The following MAGI1 variants were observed in gnomAD, a reference collection of about 807,000 sequenced individuals.
MAGI1 encodes membrane associated guanylate kinase, WW and PDZ domain containing 1.
Under a neutral mutation model 139.9 loss-of-function variants are expected in MAGI1, and 58 were observed. The observed-to-expected ratio is 0.41, with a 90% CI of 0.34 to 0.52. MAGI1 has a LOEUF of 0.52. Among genes scored for constraint, MAGI1 ranks in the 20% least tolerant of loss-of-function variants. The probability of loss-of-function intolerance (pLI) is 0.12; values close to 1 mark genes in which losing one functional copy is unlikely to be tolerated. For missense variants in MAGI1, 1,874 were observed against 1,901.6 expected (o/e 0.99, Z 0.27); for synonymous variants, 812 against 737.9 (o/e 1.10, Z -1.63).
At chr3:65,924,358 A>C in intron 1 of MAGI1, among the ~76,000 whole-genome samples, 1 of 152,196 alleles carries the variant, frequency 6.6e-6, no homozygotes, top group East Asian at 1.9e-4. Flanking sequence ...GTGGGATTGC[A>C]TCTCCCTCCC....
At chr3:66,034,859 T>C (rs28378316) in intron 1 of MAGI1, among the ~76,000 whole-genome samples, 1 of 152,258 alleles carries the variant, frequency 6.6e-6, no homozygotes, top group East Asian at 1.9e-4. Flanking sequence ...TTTTATGAAG[T>C]TGAAGACAAA....
At chr3:65,907,936 A>G (rs2061502882) in intron 1 of MAGI1, among the ~76,000 whole-genome samples, 1 of 152,112 alleles carries the variant, frequency 6.6e-6, no homozygotes, top group Non-Finnish European at 1.5e-5. Context: ...CCCCGGCTCC[A>G]TCACTCTCTG....
At chr3:65,374,911 T>C (rs1309748338) in intron 18 of MAGI1, among the ~76,000 whole-genome samples, 1 of 152,204 alleles carries the variant, frequency 6.6e-6, no homozygotes, top group African/African-American at 2.4e-5. Flanking sequence ...TCATTCTTTC[T>C]TCATTCACAT....
At chr3:65,796,050 C>CAAAAAA (rs35663778) in intron 1 of MAGI1, among the ~76,000 whole-genome samples, 45 of 102,804 alleles carry the variant, frequency 4.4e-4, no homozygotes, top group Middle Eastern at 5.7e-3. Flanking sequence ...GACTCTGTCT[C>CAAAAAA]AAAAAAAAAA....
chr3:65,371,400 A>G (rs147668161), intron 18 of MAGI1, among the ~76,000 whole-genome samples: 1 of 152,226 alleles, frequency 6.6e-6, no homozygotes, highest in Non-Finnish European at 1.5e-5. Context: ...AAAACACTAC[A>G]TACCTTAATT....
rs536862882 is a variant in MAGI1, at chr3:65,966,853, T to C, written c.313+71143A>G. Among the ~76,000 whole-genome samples, 4 of 152,344 alleles carry C rather than the reference T, an allele frequency of 2.6e-5. No individual in the cohort carries two copies. The East Asian group carries it at 7.7e-4, about 29-fold the overall frequency. On this transcript the variant is annotated intron_variant, in intron 1 of 22. Coordinates refer to ENST00000402939, the MANE Select transcript of MAGI1 (RefSeq NM_001033057.2). ...ATCCATGACACCTACTGAATTAGTC[T>C]TTTTTAAATCCATGAAATGAACATT...
At chr3:65,433,508 G>A (rs1444159622) in intron 10 of MAGI1, among the ~76,000 whole-genome samples, 1 of 152,060 alleles carries the variant, frequency 6.6e-6, no homozygotes, top group Admixed American at 6.6e-5. Context: ...ATTAGTTAAT[G>A]TAGCTTTTGG....
chr3:65,921,919 GACAC>G lies in MAGI1; in HGVS notation c.313+116073_313+116076del, dbSNP rs35532734. On this transcript the variant is annotated intron_variant, in intron 1 of 22. Coordinates refer to ENST00000402939, the MANE Select transcript of MAGI1 (RefSeq NM_001033057.2). Reference sequence around the variant, plus strand: ...AGACCCTATCTCCAACCACACACACGACACACACACACACACACACACACACACA... The same window carrying G: ...AGACCCTATCTCCAACCACACACACGACACACACACACACACACACACACA... Among the ~76,000 whole-genome samples the G allele has an allele frequency of 4.5e-3, 632 of 140,728 alleles. 2 individuals are homozygous for G. The highest frequency in any genetic ancestry group is 0.015 in the Middle Eastern group (4 of 268). The allele number at this position is 140,728 out of a possible 152,430, so 92.3% of individuals were successfully genotyped here.
At chr3:65,491,162 G>C (rs1438754516) in intron 3 of MAGI1, among the ~76,000 whole-genome samples, 1 of 152,046 alleles carries the variant, frequency 6.6e-6, no homozygotes, top group Non-Finnish European at 1.5e-5. Context: ...GGGTTTTTAG[G>C]AAAGAGTGTA....
At chr3:65,384,460 T>G (rs1390787367) in intron 14 of MAGI1, among the ~76,000 whole-genome samples, 3 of 151,916 alleles carry the variant, frequency 2.0e-5, no homozygotes, top group Non-Finnish European at 2.9e-5. Flanking sequence ...ATATAGGAGG[T>G]GGGGTGCAGT....
chr3:65,903,088 A>G (rs2061302648), intron 1 of MAGI1, among the ~76,000 whole-genome samples: 1 of 152,062 alleles, frequency 6.6e-6, no homozygotes, highest in Non-Finnish European at 1.5e-5. Context: ...TCGCAGGCTA[A>G]AGCAATCCCC....
intron 1 of MAGI1, among the ~76,000 whole-genome samples, chr3:65,691,311 A>AAAAAAAAAAAAAAG (rs1454212169): frequency 4.6e-5 from 7 of 150,920 alleles, no homozygotes; most frequent in African/African-American, 1.7e-4. Context: ...TCAAAAAAAA[A>AAAAAAAAAAAAAAG]AAAAGAAAAG....
At chr3:65,939,380 C>T (rs573854941) in intron 1 of MAGI1, among the ~76,000 whole-genome samples, 10 of 152,266 alleles carry the variant, frequency 6.6e-5, no homozygotes, top group Admixed American at 3.3e-4. Flanking sequence ...CATGTTTACA[C>T]TGTAGGGGGT....
At chr3:65,905,606 A>G (rs2061407024) in intron 1 of MAGI1, among the ~76,000 whole-genome samples, 1 of 152,068 alleles carries the variant, frequency 6.6e-6, no homozygotes, top group Admixed American at 6.6e-5. Context: ...TCTCCCAAGG[A>G]GCTAGGATTA....
In MAGI1 at chr3:65,375,739, CT is replaced by C; in HGVS notation, c.3196+5del. 1 of 1,602,276 alleles carries C rather than the reference CT, an allele frequency of 6.2e-7. No homozygotes were observed. The highest frequency in any genetic ancestry group is 1.3e-5 in the African/African-American group (1 of 74,746). ...GAGAGAGAGAGAGATAATAGGTATACTTTACCATCCCCAGGAATGATGCGGA... is the reference window on the plus strand; with the variant it reads ...GAGAGAGAGAGAGATAATAGGTATACTTACCATCCCCAGGAATGATGCGGA... On this transcript the variant is annotated splice_donor_5th_base_variant and intron_variant, in intron 18 of 22. Transcript: ENST00000402939.
intron 2 of MAGI1, chr3:65,609,728 G>A (rs1013310982): frequency 1.1e-5 from 3 of 282,184 alleles, no homozygotes; most frequent in Admixed American, 3.7e-5. Flanking sequence ...AGAACTGCAG[G>A]TGTGCACCAC....
chr3:65,693,048 C>T (rs1461081230), intron 1 of MAGI1, among the ~76,000 whole-genome samples: 1 of 152,094 alleles, frequency 6.6e-6, no homozygotes, highest in African/African-American at 2.4e-5. Flanking sequence ...CCTCCCACCT[C>T]AGCCACTTGA....
intron 2 of MAGI1, among the ~76,000 whole-genome samples, chr3:65,579,908 C>A (rs1342387800): frequency 6.6e-6 from 1 of 150,664 alleles, no homozygotes; most frequent in Non-Finnish European, 1.5e-5. Context: ...TGAAACTAGA[C>A]AAGCTCACTG....
intron 1 of MAGI1, among the ~76,000 whole-genome samples, chr3:65,866,491 C>A (rs1426076348): frequency 6.6e-6 from 1 of 152,006 alleles, no homozygotes; most frequent in Non-Finnish European, 1.5e-5. Context: ...TCTCAGTAGG[C>A]CTTGAACGAC....
Sources: gnomAD v4.1 joint callset for allele counts (sites outside exome capture counted in the v4.1 genomes callset) on GRCh38, gnomAD v4.1.1 for gene constraint, MANE v1.5 for transcripts, NCBI Gene and HGNC (gene_info 2026-07-23, HGNC 2026-07-21) for gene names.